Variants in PRRC2A observed in about 807,000 individuals in gnomAD.
The protein encoded by PRRC2A is protein PRRC2A.
Under a neutral mutation model 224.6 loss-of-function variants are expected in PRRC2A, and 59 were observed. The ratio of observed to expected loss-of-function variants is 0.26; its 90% CI spans 0.21 to 0.33. PRRC2A has a LOEUF of 0.33. Among genes scored for constraint, PRRC2A ranks in the 10% least tolerant of loss-of-function variants. PRRC2A has a pLI of 1.00. For synonymous variants in PRRC2A, 1,194 were observed against 1,109.5 expected, an observed-to-expected ratio of 1.08 and a Z score of -1.51; for missense variants, 3,095 against 2,880.7, an observed-to-expected ratio of 1.07 and a Z score of -1.70.
Position 31,625,950 on chromosome 6 carries a change from G to C in PRRC2A, c.840-70G>C. On this transcript the variant is annotated intron_variant, in intron 8 of 30. Coordinates refer to ENST00000376033, the MANE Select transcript of PRRC2A (RefSeq NM_004638.4). The surrounding 1 kb of genome is among the most constrained non-coding windows in gnomAD (Gnocchi z 4.1). ...GAGGAGATGGTTTTCTAGCCAGGAG[G>C]CTCAGTCTAGGATCAGTCTCGCATG... 1 of 1,592,570 alleles carries C rather than the reference G, an allele frequency of 6.3e-7. No homozygotes were observed. Among genetic ancestry groups the C allele is most frequent in the Admixed American group, 1.7e-5 (1 of 58,738 alleles).
rs756674411 is a variant in PRRC2A at position 31,625,232 on chromosome 6, G to A, written c.525G>A (p.Ala175=). 27 of 1,613,022 alleles carry A rather than the reference G, an allele frequency of 1.7e-5. No homozygotes were observed. The highest frequency in any genetic ancestry group is 2.2e-5 in the South Asian group (2 of 91,090). The change falls in exon 6 of 31, where the codon GCG becomes GCA. Residue 175 remains alanine (A), a synonymous_variant. Coordinates refer to ENST00000376033, the MANE Select transcript of PRRC2A (RefSeq NM_004638.4). The surrounding 1 kb of genome is among the most constrained non-coding windows in gnomAD (Gnocchi z 4.1). ...GAGAGGAATTTCCGACCCTGCAGGC[G>A]GCTGGCGACCAGGACAAGGCTGCCA... ...FSREEFPTLQ[A]AGDQDKAAKE...
chr6:31,621,846 C>G (rs1775328495), intron 1 of PRRC2A, among the ~76,000 whole-genome samples: 1 of 152,132 alleles, frequency 6.6e-6, no homozygotes, highest in Non-Finnish European at 1.5e-5. Context: ...CTGGAGGTAT[C>G]GAGTAAAGAA....
chr6:31,624,024 C>G, intron 3 of PRRC2A, 115 bp downstream of exon 3: 1 of 1,313,666 alleles, frequency 7.6e-7, no homozygotes, highest in South Asian at 1.4e-5. Flanking sequence ...AGGTCCCTTT[C>G]TTACCTATTG....
Position 31,624,349 on chromosome 6 carries a change from G to C in PRRC2A, c.379G>C (p.Ala127Pro). ...PASNQPKRPP[A>P]APENTPLVPS... is the part of the protein sequence containing the mutation. ...CTCCAACCAGCCGAAACGACCCCCA[G>C]CAGCCCCCGAGGTACCTGGAGAACT... The change falls in exon 4 of 31, where the codon GCA (alanine) becomes CCA (proline). Residue 127 changes from alanine (A) to proline (P), a missense_variant. By Grantham distance (27) the Ala-to-Pro change is conservative. Coordinates refer to ENST00000376033, the MANE Select transcript of PRRC2A (RefSeq NM_004638.4). 1 of 1,614,000 alleles carries C rather than the reference G, an allele frequency of 6.2e-7. No individual in the cohort carries two copies. Among genetic ancestry groups the C allele is most frequent in the South Asian group, 1.1e-5 (1 of 91,072 alleles).
At position 31,635,708 on chromosome 6, in the gene PRRC2A, C is replaced by T; in HGVS notation, c.5500C>T (p.Pro1834Ser). The T allele has an allele frequency of 2.5e-6, 4 of 1,609,046 alleles. No homozygotes were observed. Among genetic ancestry groups the T allele is most frequent in the East Asian group, 2.2e-5 (1 of 44,820 alleles). Residue 1834 changes from proline to serine, a missense_variant, in exon 24 of 31, where the codon CCT becomes TCT. This residue lies in a region of PRRC2A where 662 missense variants were observed against 609.5 expected (regional missense o/e 1.09). Transcript: ENST00000376033. ...CAGCTCCTCAGGCCAGCGCCTGTAT[C>T]CTGAGGTTTTCTATGGCAGTGCTGG... ...EPSSSGQRLY[P>S]EVFYGSAGPS...
rs766145622 is a variant in PRRC2A, at chr6:31,636,487, T to A, written c.5836-23T>A. On this transcript the variant is annotated intron_variant, in intron 26 of 30. Coordinates refer to ENST00000376033, the MANE Select transcript of PRRC2A (RefSeq NM_004638.4). The surrounding 1 kb of genome is among the most constrained non-coding windows in gnomAD (Gnocchi z 4.3). ...GAGAATGATTTTGTGGGGGTTGATATATTTCTCCCTGTTTCCCGACAGGTA... is the reference window on the plus strand; with the variant it reads ...GAGAATGATTTTGTGGGGGTTGATAAATTTCTCCCTGTTTCCCGACAGGTA... 6 of 1,609,006 alleles carry A rather than the reference T, an allele frequency of 3.7e-6. No homozygotes were observed. The South Asian group carries it at 6.6e-5, about 18-fold the overall frequency.
intron 12 of PRRC2A, 42 bp from the exon 13 acceptor site, chr6:31,629,100 CTA>C (rs1776242142): frequency 1.3e-6 from 2 of 1,591,108 alleles, no homozygotes; most frequent in Admixed American, 1.7e-5. Context: ...CATGGAGTGT[CTA>C]TTGTTGGACT....
chr6:31,620,765 C>T lies in PRRC2A; in HGVS notation c.-194C>T, dbSNP rs944755819. On this transcript the variant is annotated 5_prime_UTR_variant, in exon 1 of 31. Transcript: ENST00000376033. ...CGAGGGAGACGGGAGGAGCCGAACC[C>T]GGCGCCATCCGCCGCCATCCTCCCC... is the stretch of plus-strand genomic sequence containing the variant. 3 of 152,154 alleles carry T rather than the reference C, an allele frequency of 2.0e-5. No homozygotes were observed. The highest frequency in any genetic ancestry group is 1.9e-4 in the East Asian group (1 of 5,150). 9.4% of individuals were successfully genotyped at this position (152,154 alleles called of 1,614,324 possible). A position where few individuals can be genotyped will look rare whatever the true frequency, so the allele number is the denominator to read the frequency against.
In PRRC2A at chr6:31,634,063, G is replaced by A. The variant is rs74927822; in HGVS notation, c.4719+74G>A. 5,220 of 1,581,442 alleles carry A rather than the reference G, an allele frequency of 3.3e-3. 133 individuals carry two copies. The African/African-American group carries it at 0.062, about 19-fold the overall frequency. The stretch of plus-strand genomic sequence containing the variant: ...AATTCTTCTGGGTTATGTTTTCTCT[G>A]TTTTCTTTCCTGTTTCTTTCACTGT... On this transcript the variant is annotated intron_variant, in intron 18 of 30. Coordinates refer to ENST00000376033, the MANE Select transcript of PRRC2A (RefSeq NM_004638.4).
In PRRC2A at chr6:31,636,082, C is replaced by T; in HGVS notation, c.5624+33C>T. Reference sequence around the variant, plus strand: ...TCGATGCCTGTGGATCACAGAAGTACTTGGAGATGTGTTTCGGGGAGAGGG... The same window carrying T: ...TCGATGCCTGTGGATCACAGAAGTATTTGGAGATGTGTTTCGGGGAGAGGG... On this transcript the variant is annotated intron_variant, in intron 25 of 30. Transcript: ENST00000376033. This position sits in a 1 kb window ranked among gnomAD's most constrained non-coding sequence, Gnocchi z 4.3. The T allele has an allele frequency of 2.5e-6, 4 of 1,586,656 alleles. No homozygotes were observed. Among genetic ancestry groups the T allele is most frequent in the Non-Finnish European group, 3.5e-6 (4 of 1,155,388 alleles).
intron 10 of PRRC2A, 38 bp from the exon 11 acceptor site, chr6:31,626,944 T>TG: frequency 6.2e-7 from 1 of 1,613,318 alleles, no homozygotes; most frequent in Non-Finnish European, 8.5e-7. Flanking sequence ...GTATATTAGT[T>TG]GCAGCTGATT....
chr6:31,633,714 G>T, intron 17 of PRRC2A, 67 bp downstream of exon 17: 1 of 1,546,448 alleles, frequency 6.5e-7, no homozygotes, highest in South Asian at 1.3e-5. Flanking sequence ...TGGAGGGAGC[G>T]GGTGGAGAAC....
In PRRC2A at chr6:31,631,601, C is replaced by T; in HGVS notation, c.2928C>T (p.Pro976=). Residue 976 remains proline, a synonymous_variant, in exon 16 of 31, where the codon CCC becomes CCT. Transcript: ENST00000376033. The surrounding 1 kb of genome is among the most constrained non-coding windows in gnomAD (Gnocchi z 4.5). ...PKPLEQGDET[P]KPPKPDPLKI... ...CCCTCGAACAGGGGGATGAAACCCC[C>T]AAACCCCCAAAGCCAGACCCACTCA... 6.5e-7 allele frequency: 1 copy of T among 1,546,472 alleles called. No individual in the cohort carries two copies.
rs1327738831 is a variant in PRRC2A, at chr6:31,631,316, C to T, written c.2643C>T (p.Pro881=). The change falls in exon 16 of 31, where the codon CCC becomes CCT. Residue 881 remains proline, a synonymous_variant. Transcript: ENST00000376033. This position sits in a 1 kb window ranked among gnomAD's most constrained non-coding sequence, Gnocchi z 4.5. ...TGGCCAAGATACAAACTCCACCACCCAAGAAGGAGCCCCCTAAGGAGGAGA... is the reference window on the plus strand; with the variant it reads ...TGGCCAAGATACAAACTCCACCACCTAAGAAGGAGCCCCCTAAGGAGGAGA... The part of the protein sequence containing the change: ...DEVAKIQTPP[P]KKEPPKEETA... 4 of 1,607,282 alleles carry T rather than the reference C, an allele frequency of 2.5e-6. No homozygotes were observed. Among genetic ancestry groups the T allele is most frequent in the Admixed American group, 3.4e-5 (2 of 58,444 alleles).
intron 18 of PRRC2A, 96 bp downstream of exon 18, chr6:31,634,085 CTG>C (rs1777027803): frequency 6.3e-7 from 1 of 1,577,328 alleles, no homozygotes; most frequent in Non-Finnish European, 8.6e-7. Flanking sequence ...GTTTCTTTCA[CTG>C]TGTTTTTACT....
Position 31,632,599 on chromosome 6 carries a change from T to G in PRRC2A, c.3926T>G (p.Leu1309Arg). The change falls in exon 16 of 31, where the codon CTG becomes CGG. Residue 1309 changes from leucine (L) to arginine (R), a missense_variant. Leu to Arg is a moderately radical substitution (Grantham distance 102). Coordinates refer to ENST00000376033, the MANE Select transcript of PRRC2A (RefSeq NM_004638.4). ...CGGGCAGCTGCCAAGTCTCCTGATC[T>G]GTCAAACCAGAACTCAGACCAAGCC... is the stretch of plus-strand genomic sequence containing the variant. ...PRRAAAKSPD[L>R]SNQNSDQANE... The G allele has an allele frequency of 6.2e-7, 1 of 1,613,046 alleles. No individual in the cohort carries two copies. The highest frequency in any genetic ancestry group is 8.5e-7 in the Non-Finnish European group (1 of 1,180,022).
Position 31,635,378 on chromosome 6 carries a change from C to T in PRRC2A, c.5302-16C>T, listed in dbSNP as rs1348807778. On this transcript the variant is annotated splice_polypyrimidine_tract_variant and intron_variant, in intron 22 of 30. Transcript: ENST00000376033. ...TCTGTCACGGGACAATGTCTCCTGC[C>T]TTCTTGTGATCACAGGACTCAGACT... The T allele has an allele frequency of 2.5e-6, 4 of 1,614,156 alleles. No homozygotes were observed. The South Asian group carries it at 3.3e-5, about 13-fold the overall frequency.
In PRRC2A at chr6:31,624,452, C is replaced by T. The variant is rs370431573; in HGVS notation, c.393C>T (p.Asn131=). Residue 131 remains asparagine (N), a splice_region_variant and synonymous_variant, in exon 5 of 31, where the codon AAC becomes AAT. Coordinates refer to ENST00000376033, the MANE Select transcript of PRRC2A (RefSeq NM_004638.4). ...QPKRPPAAPE[N]TPLVPSGVKS... ...CATCTTTCTGAACACTTCCCCAGAA[C>T]ACTCCTTTGGTTCCAAGCGGGGTAA... 95 of 1,613,432 alleles carry T rather than the reference C, an allele frequency of 5.9e-5. 1 individual carries two copies. In the African/African-American group the frequency reaches 9.9e-4, roughly 17 times the overall value.
At chr6:31,635,338 C>T in intron 22 of PRRC2A, 56 bp from the exon 23 acceptor site, 1 of 1,613,774 alleles carries the variant, frequency 6.2e-7, no homozygotes, top group Non-Finnish European at 8.5e-7. Flanking sequence ...AAAGGTGGGA[C>T]ATAGAGGACA....
Sources: allele counts gnomAD v4.1 joint callset (sites outside exome capture counted in the v4.1 genomes callset), GRCh38; gene constraint gnomAD v4.1.1; regional missense constraint gnomAD v4.1.1; non-coding constraint Gnocchi (gnomAD v3.1); transcripts MANE v1.5; gene names NCBI Gene and HGNC (gene_info 2026-07-23, HGNC 2026-07-21).